The following EIF4G3 variants were observed in gnomAD, a reference collection of about 807,000 sequenced individuals.
The protein encoded by EIF4G3 is eukaryotic translation initiation factor 4 gamma 3.
EIF4G3 carries 34 observed loss-of-function variants against 186.4 expected under a neutral mutation model. That is an observed-to-expected ratio of 0.18 (90% CI 0.14 to 0.24). EIF4G3 has a LOEUF of 0.24. Ranked by LOEUF, EIF4G3 falls within the 10% of genes least tolerant of loss-of-function variation. The pLI, the probability that EIF4G3 is intolerant of heterozygous loss-of-function variation, is 1.00. For missense variants in EIF4G3, 1,536 were observed against 1,948.5 expected (o/e 0.79, Z 3.99); for synonymous variants, 673 against 679.5 (o/e 0.99, Z 0.15).
chr1:21,040,800 G>C (rs1161951462), intron 4 of EIF4G3, among the ~76,000 whole-genome samples: 1 of 152,128 alleles, frequency 6.6e-6, no homozygotes, highest in Non-Finnish European at 1.5e-5. Context: ...AGGCAGACAA[G>C]ACTGAAAACC....
intron 4 of EIF4G3, among the ~76,000 whole-genome samples, chr1:21,016,873 A>G (rs2089253922): frequency 6.6e-6 from 1 of 151,928 alleles, no homozygotes; most frequent in African/African-American, 2.4e-5. Context: ...GGGGCCTGAG[A>G]CAGGAGAATC....
chr1:21,130,392 T>A (rs1275564517), intron 2 of EIF4G3, among the ~76,000 whole-genome samples: 1 of 151,782 alleles, frequency 6.6e-6, no homozygotes, highest in East Asian at 1.9e-4. Context: ...ACTCAGCTAA[T>A]TTTTTTGTGT....
chr1:21,072,472 C>T (rs546306157), intron 3 of EIF4G3, among the ~76,000 whole-genome samples: 3 of 152,190 alleles, frequency 2.0e-5, no homozygotes, highest in Non-Finnish European at 2.9e-5. Context: ...GGTGCTATCT[C>T]GGCTCACTGC....
chr1:21,134,982 G>A (rs2097213748), intron 2 of EIF4G3, among the ~76,000 whole-genome samples: 1 of 151,656 alleles, frequency 6.6e-6, no homozygotes, highest in South Asian at 2.1e-4. Context: ...CTTTACATCT[G>A]CCTAAAACAC....
chr1:20,950,368 A>G (rs2096154814), intron 12 of EIF4G3, among the ~76,000 whole-genome samples: 1 of 152,196 alleles, frequency 6.6e-6, no homozygotes, highest in South Asian at 2.1e-4. Flanking sequence ...AGAAGACAGC[A>G]CAACAATCAT....
At chr1:20,979,980 C>T (rs550794482) in intron 10 of EIF4G3, among the ~76,000 whole-genome samples, 4 of 152,176 alleles carry the variant, frequency 2.6e-5, no homozygotes, top group South Asian at 2.1e-4. Context: ...TCAATCTCCT[C>T]GCCCGCCTCG....
chr1:21,057,056 G>C (rs1161407340), intron 3 of EIF4G3, among the ~76,000 whole-genome samples: 2 of 152,138 alleles, frequency 1.3e-5, no homozygotes, highest in Non-Finnish European at 2.9e-5. Flanking sequence ...TCATTCTCTT[G>C]CTGGTAGAAA....
At chr1:20,924,061 T>C (rs1305596537) in intron 14 of EIF4G3, among the ~76,000 whole-genome samples, 1 of 152,184 alleles carries the variant, frequency 6.6e-6, no homozygotes, top group African/African-American at 2.4e-5. Flanking sequence ...TAAAAACTCA[T>C]GGTTAAGTCA....
intron 2 of EIF4G3, among the ~76,000 whole-genome samples, chr1:21,173,561 G>C (rs563336907): frequency 6.6e-6 from 1 of 151,968 alleles, no homozygotes; most frequent in Non-Finnish European, 1.5e-5. Flanking sequence ...GGTGGCACAC[G>C]CCTGTAATCC....
At position 20,817,477 on chromosome 1, in the gene EIF4G3, A is replaced by G. The variant is rs1289104248; in HGVS notation, c.4430T>C (p.Leu1477Pro). ...TCGCTTATACAGCTCTTCGGCAGAC[A>G]GTTCTTTCTTTGAAAGTGCTTCAGA... Reference protein sequence around the residue: ...CSSEALSKKELSAEELYKRLE... With the variant: ...CSSEALSKKEPSAEELYKRLE... The change falls in exon 34 of 37, where the codon CTG (leucine) becomes CCG (proline). Residue 1477 changes from leucine to proline, a missense_variant. By Grantham distance (98) the Leu-to-Pro change is moderately conservative. Coordinates refer to ENST00000602326, the MANE Select transcript of EIF4G3 (RefSeq NM_001391906.1). 1.9e-6 allele frequency: 3 copies of G among 1,608,586 alleles called. No individual in the cohort carries two copies. In the African/African-American group the frequency reaches 4.0e-5, roughly 22 times the overall value.
chr1:21,175,961 G>A (rs1462209228), intron 2 of EIF4G3: 4 of 242,810 alleles, frequency 1.6e-5, no homozygotes, highest in Admixed American at 5.6e-5. Context: ...AGTGGGGCTA[G>A]CTTTCACAGT....
chr1:21,101,573 A>AAAAAAAAACAAC (rs1300347804), intron 2 of EIF4G3, among the ~76,000 whole-genome samples: 5 of 140,188 alleles, frequency 3.6e-5, no homozygotes, highest in Non-Finnish European at 7.8e-5. Context: ...AAAAAAAAAA[A>AAAAAAAAACAAC]AACAACAAAA....
intron 2 of EIF4G3, among the ~76,000 whole-genome samples, chr1:21,172,414 T>TTTC (rs2103079178): frequency 6.6e-6 from 1 of 152,328 alleles, no homozygotes; most frequent in South Asian, 2.1e-4. Context: ...AGGGCAAAGA[T>TTTC]TTCTACCTTA....
chr1:20,851,163 G>A (rs1410112865), intron 28 of EIF4G3, 95 bp downstream of exon 28: 2 of 1,148,100 alleles, frequency 1.7e-6, no homozygotes, highest in Admixed American at 2.1e-5. Flanking sequence ...GCTATTATGT[G>A]TTAATTCTAA....
intron 3 of EIF4G3, among the ~76,000 whole-genome samples, chr1:21,060,700 G>A (rs951691264): frequency 4.0e-5 from 6 of 151,488 alleles, no homozygotes; most frequent in Admixed American, 2.0e-4. Context: ...CCAACAGTTC[G>A]GCGCTGTAAG....
chr1:20,970,144 G>A (rs185400494), intron 11 of EIF4G3, among the ~76,000 whole-genome samples: 2 of 152,000 alleles, frequency 1.3e-5, no homozygotes, highest in Admixed American at 6.6e-5. Context: ...AGTTTTAAAC[G>A]CTGTAAATAA....
intron 14 of EIF4G3, among the ~76,000 whole-genome samples, chr1:20,940,787 G>C (rs1248033293): frequency 6.6e-6 from 1 of 152,112 alleles, no homozygotes; most frequent in East Asian, 1.9e-4. Flanking sequence ...GATAACTTTT[G>C]ATTAAACTTA....
rs1053412208 is a variant in EIF4G3, at chr1:20,973,249, C to T, written c.494-150G>A. ...TCATCATCTTTTTCCACTAGCTCTCCTCCAGTTACTGAAGTGGTCAAGAAA... is the reference window on the plus strand; with the variant it reads ...TCATCATCTTTTTCCACTAGCTCTCTTCCAGTTACTGAAGTGGTCAAGAAA... On this transcript the variant is annotated intron_variant, in intron 10 of 36. Transcript: ENST00000602326. 47 of 609,034 alleles carry T rather than the reference C, an allele frequency of 7.7e-5. No individual in the cohort carries two copies. In the African/African-American group the frequency reaches 8.2e-4, roughly 11 times the overall value. The allele number at this position is 609,034 out of a possible 1,614,324, so 37.7% of individuals were successfully genotyped here. A position where few individuals can be genotyped will look rare whatever the true frequency, so the allele number is the denominator to read the frequency against.
chr1:20,914,248 C>T (rs1017766931), intron 14 of EIF4G3, among the ~76,000 whole-genome samples: 9 of 151,992 alleles, frequency 5.9e-5, no homozygotes, highest in African/African-American at 1.9e-4. Context: ...GAATACGTAG[C>T]CCTACCTGGC....
Sources: allele counts gnomAD v4.1 joint callset (sites outside exome capture counted in the v4.1 genomes callset), GRCh38; gene constraint gnomAD v4.1.1; transcripts MANE v1.5; gene names NCBI Gene and HGNC (gene_info 2026-07-23, HGNC 2026-07-21).